Variants in DCDC1 observed in about 807,000 individuals in gnomAD.
DCDC1 encodes the protein doublecortin domain containing 1, also known as doublecortin domain-containing protein 1.
Under a neutral mutation model 178.3 loss-of-function variants are expected in DCDC1, and 200 were observed. The observed-to-expected ratio is 1.12, with a 90% confidence interval of 1.00 to 1.26. The LOEUF is 1.26. Among genes scored for constraint, DCDC1 ranks in the 50% most tolerant of loss-of-function variants. The pLI, the probability that DCDC1 is intolerant of heterozygous loss-of-function variation, is 0.00. For synonymous variants in DCDC1, 690 were observed against 604.8 expected, an observed-to-expected ratio of 1.14 and a Z score of -2.07; for missense variants, 1,983 against 1,749.2, an observed-to-expected ratio of 1.13 and a Z score of -2.38.
intron 9 of DCDC1, among the ~76,000 whole-genome samples, chr11:31,196,856 T>C (rs1318410703): frequency 6.6e-6 from 1 of 152,130 alleles, no homozygotes; most frequent in Admixed American, 6.6e-5. Flanking sequence ...TAGTAATGCC[T>C]TGGCCTTTTT....
intron 8 of DCDC1, among the ~76,000 whole-genome samples, chr11:31,249,574 G>C (rs927403258): frequency 7.2e-5 from 11 of 152,162 alleles, no homozygotes; most frequent in Admixed American, 7.2e-4. Flanking sequence ...AAAAGTCAAA[G>C]AGACTGCAAG....
chr11:30,895,674 A>G (rs1431800811), intron 34 of DCDC1, among the ~76,000 whole-genome samples: 1 of 152,232 alleles, frequency 6.6e-6, no homozygotes, highest in African/African-American at 2.4e-5. Context: ...AAGCATTTAT[A>G]TGCAATTTAT....
chr11:31,306,133 T>C, intron 5 of DCDC1, 99 bp downstream of exon 5: 1 of 1,182,888 alleles, frequency 8.5e-7, no homozygotes, highest in Non-Finnish European at 1.1e-6. Flanking sequence ...ATTCAGATTC[T>C]CAAAAAGAAA....
intron 9 of DCDC1, among the ~76,000 whole-genome samples, chr11:31,152,457 A>C (rs1965268432): frequency 6.6e-6 from 1 of 152,238 alleles, no homozygotes; most frequent in South Asian, 2.1e-4. Context: ...TGTTTAAATC[A>C]GGAGTTGCTG....
intron 2 of DCDC1, among the ~76,000 whole-genome samples, chr11:31,328,875 T>C (rs1949794727): frequency 6.7e-6 from 1 of 150,248 alleles, no homozygotes; most frequent in Admixed American, 6.6e-5. Flanking sequence ...ATTTTTGCTA[T>C]TTGCTGGAAA....
At chr11:31,058,049 A>T (rs768601556) in intron 20 of DCDC1, among the ~76,000 whole-genome samples, 3 of 152,110 alleles carry the variant, frequency 2.0e-5, no homozygotes, top group Non-Finnish European at 4.4e-5. Flanking sequence ...AGGATACCAT[A>T]AAATAGTGTT....
intron 8 of DCDC1, among the ~76,000 whole-genome samples, chr11:31,242,473 C>T (rs1246028599): frequency 1.3e-5 from 2 of 151,820 alleles, no homozygotes; most frequent in Non-Finnish European, 2.9e-5. Context: ...ACTTGGGAAT[C>T]CAGAAAAAGT....
intron 9 of DCDC1, among the ~76,000 whole-genome samples, chr11:31,149,627 C>T (rs1964938178): frequency 6.6e-6 from 1 of 152,044 alleles, no homozygotes; most frequent in African/African-American, 2.4e-5. Context: ...ACTTTATGAG[C>T]CATAACACTC....
At chr11:31,272,823 G>A (rs1945672406) in intron 7 of DCDC1, among the ~76,000 whole-genome samples, 1 of 152,224 alleles carries the variant, frequency 6.6e-6, no homozygotes, top group Non-Finnish European at 1.5e-5. Context: ...GATGCATGGT[G>A]CAAGTTGTCA....
rs1196622734 is a variant in DCDC1 at position 31,311,061 on chromosome 11, A to G, written c.165-3153T>C. On this transcript the variant is annotated intron_variant, in intron 3 of 38. Coordinates refer to ENST00000684477, the MANE Select transcript of DCDC1 (RefSeq NM_001387274.1). ...TTACCTCTATCCTCCCCCTTTCCTC[A>G]TGGCTTCTGCTAACTTCCTCTATGT... Among the ~76,000 whole-genome samples the G allele has an allele frequency of 3.3e-5, 5 of 152,036 alleles. No homozygotes were observed. The East Asian group carries it at 9.7e-4, about 29-fold the overall frequency.
At chr11:31,244,259 T>C (rs1977552215) in intron 8 of DCDC1, among the ~76,000 whole-genome samples, 1 of 151,814 alleles carries the variant, frequency 6.6e-6, no homozygotes, top group South Asian at 2.1e-4. Context: ...CGCTCTACTT[T>C]TTAACCTCAA....
intron 10 of DCDC1, among the ~76,000 whole-genome samples, chr11:31,133,862 C>T (rs913773728): frequency 6.6e-6 from 1 of 152,112 alleles, no homozygotes; most frequent in African/African-American, 2.4e-5. Context: ...CACCAGCATG[C>T]TCAGCTAATT....
intron 20 of DCDC1, among the ~76,000 whole-genome samples, chr11:30,999,193 C>A (rs1276861205): frequency 3.9e-5 from 6 of 152,028 alleles, no homozygotes; most frequent in African/African-American, 1.5e-4. Flanking sequence ...CTGGATTAAA[C>A]CTGGGAAAAG....
rs749180447 is a variant in DCDC1 at position 30,925,351 on chromosome 11, C to T, written c.2955G>A (p.Gly985=). 1 of 1,613,766 alleles carries T rather than the reference C, an allele frequency of 6.2e-7. No homozygotes were observed. Among genetic ancestry groups the T allele is most frequent in the Non-Finnish European group, 8.5e-7 (1 of 1,179,782 alleles). ...GGTCTTTTAAGGCAAATATTTCCTT[C>T]CCCTTTTCATTGTACAATCTCCGAG... ...SAARRLYNEK[G]KEIFALKDLQ... Residue 985 remains glycine (G), a synonymous_variant, in exon 23 of 39, where the codon GGG becomes GGA. Coordinates refer to ENST00000684477, the MANE Select transcript of DCDC1 (RefSeq NM_001387274.1).
chr11:31,358,477 T>G (rs1310819678), intron 1 of DCDC1, among the ~76,000 whole-genome samples: 5 of 151,494 alleles, frequency 3.3e-5, no homozygotes, highest in Admixed American at 1.3e-4. Context: ...CCTAAAACCA[T>G]AAAAACCCTA....
intron 9 of DCDC1, among the ~76,000 whole-genome samples, chr11:31,210,524 A>AAC (rs1397462515): frequency 1.3e-5 from 2 of 152,100 alleles, no homozygotes; most frequent in African/African-American, 2.4e-5. Flanking sequence ...CAGCCTGGCC[A>AAC]ATGCGGTGAA....
intron 9 of DCDC1, among the ~76,000 whole-genome samples, chr11:31,193,284 A>G (rs1442639158): frequency 6.6e-6 from 1 of 151,968 alleles, no homozygotes; most frequent in Non-Finnish European, 1.5e-5. Flanking sequence ...TTCTCTGGAG[A>G]ACCCTAATAC....
At chr11:31,110,879 C>A (rs1011425229) in intron 11 of DCDC1, among the ~76,000 whole-genome samples, 16 of 152,060 alleles carry the variant, frequency 1.1e-4, no homozygotes, top group African/African-American at 3.9e-4. Context: ...TATTGCATAA[C>A]AGTGTGATGA....
At chr11:31,014,045 A>G (rs189898316) in intron 20 of DCDC1, among the ~76,000 whole-genome samples, 1 of 152,150 alleles carries the variant, frequency 6.6e-6, no homozygotes, top group Non-Finnish European at 1.5e-5. Context: ...CAAAATTCCT[A>G]TGTCAAAACC....
Sources: gnomAD v4.1 joint callset for allele counts (sites outside exome capture counted in the v4.1 genomes callset) on GRCh38, gnomAD v4.1.1 for gene constraint, MANE v1.5 for transcripts, NCBI Gene and HGNC (gene_info 2026-07-23, HGNC 2026-07-21) for gene names.